MINDY4B: variants seen among roughly 807,000 people sequenced by gnomAD.
MINDY4B encodes the protein MINDY family member 4B, also known as inactive ubiquitin carboxyl-terminal hydrolase MINDY-4B.
A neutral mutation model predicts 16.7 loss-of-function variants in MINDY4B; 25 were observed. The observed-to-expected ratio is 1.49, with a 90% CI of 1.09 to 2.09. The LOEUF is 2.09. Among genes scored for constraint, MINDY4B ranks in the 30% most tolerant of loss-of-function variants. The probability of loss-of-function intolerance (pLI) is 0.00; values close to 1 mark genes in which losing one functional copy is unlikely to be tolerated. For synonymous variants in MINDY4B, 132 were observed against 61.9 expected, an observed-to-expected ratio of 2.13 and a Z score of -5.32; for missense variants, 327 against 168.4, an observed-to-expected ratio of 1.94 and a Z score of -5.21.
intron 5 of MINDY4B, among the ~76,000 whole-genome samples, chr3:150,892,285 T>C (rs1711835647): frequency 6.6e-6 from 1 of 152,212 alleles, no homozygotes; most frequent in Non-Finnish European, 1.5e-5. Flanking sequence ...CAGACTGACA[T>C]TGCTGGAAGC....
intron 7 of MINDY4B, among the ~76,000 whole-genome samples, chr3:150,889,350 C>T (rs1711707872): frequency 6.6e-6 from 1 of 152,242 alleles, no homozygotes; most frequent in African/African-American, 2.4e-5. Context: ...GAAGCGGATC[C>T]AAGCCCGCAA....
chr3:150,888,624 A>T (rs1026298421), intron 7 of MINDY4B, among the ~76,000 whole-genome samples: 1 of 152,082 alleles, frequency 6.6e-6, no homozygotes, highest in African/African-American at 2.4e-5. Flanking sequence ...CCTTGAGAGG[A>T]ATATATATAC....
chr3:150,893,674 C>T (rs1711878614), intron 4 of MINDY4B, among the ~76,000 whole-genome samples: 1 of 129,428 alleles, frequency 7.7e-6, no homozygotes, highest in African/African-American at 3.0e-5. Flanking sequence ...CACCATGTCC[C>T]TGCTTCATAG....
In MINDY4B at chr3:150,894,271, T is replaced by C. The variant is rs549021364; in HGVS notation, c.344A>G (p.His115Arg). Residue 115 changes from histidine to arginine, a missense_variant, in exon 4 of 12, where the codon CAT (histidine) becomes CGT (arginine). His to Arg is a conservative substitution (Grantham distance 29, BLOSUM62 0). Coordinates refer to ENST00000465419, the MANE Select transcript of MINDY4B (RefSeq NM_001351281.2). ...LRQILFGNTV[H>R]VFSYNWKKAY... ...CTTTTTCCAGTTATAGCTAAAGACA[T>C]GGACTGTGTTTCCAAACAGGATCTG... 50 of 700,130 alleles carry C rather than the reference T, an allele frequency of 7.1e-5. No homozygotes were observed. Among genetic ancestry groups the C allele is most frequent in the Non-Finnish European group, 1.1e-4 (43 of 384,264 alleles). The allele number at this position is 700,130 out of a possible 1,614,324, so 43.4% of individuals were successfully genotyped here.
In MINDY4B at chr3:150,894,232, A is replaced by G. The variant is rs1435380696; in HGVS notation, c.383T>C (p.Phe128Ser). The change falls in exon 4 of 12, where the codon TTC becomes TCC. Residue 128 changes from phenylalanine (F) to serine (S), a missense_variant. Physicochemically the swap from Phe to Ser is radical, Grantham distance 155. Transcript: ENST00000465419. ...SYNWKKAYFR[F>S]HDPSSELAFT... ...AGCTAGTTCAGAAGAAGGATCATGGAACCTGAAATAGGCCTTTTTCCAGTT... is the reference window on the plus strand; with the variant it reads ...AGCTAGTTCAGAAGAAGGATCATGGGACCTGAAATAGGCCTTTTTCCAGTT... 7 of 702,192 alleles carry G rather than the reference A, an allele frequency of 1.0e-5. No homozygotes were observed. Among genetic ancestry groups the G allele is most frequent in the South Asian group, 8.9e-5 (6 of 67,394 alleles). The allele number at this position is 702,192 out of a possible 1,614,324, so 43.5% of individuals were successfully genotyped here.
At chr3:150,886,020 A>T (rs973269247) in intron 7 of MINDY4B, among the ~76,000 whole-genome samples, 6 of 152,186 alleles carry the variant, frequency 3.9e-5, no homozygotes, top group Non-Finnish European at 7.3e-5. Flanking sequence ...TGGTTCTTGG[A>T]ATATGCTAGA....
At chr3:150,877,178 G>A (rs914554849) in intron 10 of MINDY4B, among the ~76,000 whole-genome samples, 3 of 152,162 alleles carry the variant, frequency 2.0e-5, no homozygotes, top group African/African-American at 7.2e-5. Context: ...CAGCATTACA[G>A]GATGGGTTTC....
intron 3 of MINDY4B, among the ~76,000 whole-genome samples, chr3:150,895,073 A>G (rs1711926138): frequency 6.6e-6 from 1 of 152,186 alleles, no homozygotes; most frequent in Non-Finnish European, 1.5e-5. Flanking sequence ...GCATTTACTG[A>G]GCATTTTCTA....
intron 6 of MINDY4B, chr3:150,890,690 T>C: frequency 7.9e-6 from 4 of 508,256 alleles, no homozygotes; most frequent in South Asian, 6.7e-5. Context: ...TATGGAAATA[T>C]CATTTATGAT....
chr3:150,893,687 G>GTT lies in MINDY4B; in HGVS notation c.430-274_430-273dup, dbSNP rs1183369246. On this transcript the variant is annotated intron_variant, in intron 4 of 11. Transcript: ENST00000465419. ...TTCACCATGTCCCTGCTTCATAGTA[G>GTT]TTTTTTTTTGGGGGGGGGGGTGGGG... is the stretch of plus-strand genomic sequence containing the variant. Among the ~76,000 whole-genome samples the GTT allele has an allele frequency of 1.2e-3, 76 of 64,524 alleles. 1 individual carries two copies. The highest frequency in any genetic ancestry group is 3.7e-3 in the African/African-American group (73 of 19,756). The allele number at this position is 64,524 out of a possible 152,430, so 42.3% of individuals were successfully genotyped here. A position where few individuals can be genotyped will look rare whatever the true frequency, so the allele number is the denominator to read the frequency against.
intron 5 of MINDY4B, 106 bp from the exon 6 acceptor site, chr3:150,891,209 C>A: frequency 1.6e-6 from 1 of 630,068 alleles, no homozygotes; most frequent in Non-Finnish European, 2.9e-6. Flanking sequence ...AGTCAGAGAG[C>A]AGCGATTTAC....
chr3:150,883,640 T>C, intron 9 of MINDY4B, 60 bp downstream of exon 9: 1 of 689,944 alleles, frequency 1.4e-6, no homozygotes. Flanking sequence ...TTTCAAACTC[T>C]GCATGTGGCA....
intron 10 of MINDY4B, among the ~76,000 whole-genome samples, chr3:150,874,748 C>G (rs1405339916): frequency 2.0e-5 from 3 of 152,158 alleles, no homozygotes; most frequent in African/African-American, 7.2e-5. Context: ...TTATCACGTG[C>G]TTTATCAACC....
intron 10 of MINDY4B, among the ~76,000 whole-genome samples, chr3:150,876,802 T>C (rs2107895899): frequency 6.6e-6 from 1 of 152,320 alleles, no homozygotes; most frequent in Admixed American, 6.5e-5. Flanking sequence ...TGGATTTTTC[T>C]TCTCAGTGGC....
intron 1 of MINDY4B, 74 bp downstream of exon 1, chr3:150,905,253 A>G: frequency 2.5e-6 from 1 of 398,322 alleles, no homozygotes. Context: ...TCATGTTGCA[A>G]GCTTATAAGT....
intron 3 of MINDY4B, among the ~76,000 whole-genome samples, chr3:150,902,325 G>T (rs1712136033): frequency 6.6e-6 from 1 of 152,204 alleles, no homozygotes; most frequent in African/African-American, 2.4e-5. Flanking sequence ...AAGGCCCTGA[G>T]TAGAGGTCCC....
chr3:150,898,577 A>C (rs933582621), intron 3 of MINDY4B, among the ~76,000 whole-genome samples: 1 of 152,190 alleles, frequency 6.6e-6, no homozygotes, highest in African/African-American at 2.4e-5. Context: ...ACATAATTAC[A>C]TGTGCTGTTG....
In MINDY4B at chr3:150,871,076, A is replaced by T; in HGVS notation, c.1352T>A (p.Ile451Asn). 1.4e-6 allele frequency: 1 copy of T among 702,866 alleles called. No homozygotes were observed. Among genetic ancestry groups the T allele is most frequent in the South Asian group, 1.5e-5 (1 of 67,590 alleles). 43.5% of individuals were successfully genotyped at this position (702,866 alleles called of 1,614,324 possible). Residue 451 changes from isoleucine to asparagine, a missense_variant, in exon 12 of 12, where the codon ATC (isoleucine) becomes AAC (asparagine). Coordinates refer to ENST00000465419, the MANE Select transcript of MINDY4B (RefSeq NM_001351281.2). ...GAAGGGAACGGTCCCATTCCAGTTG[A>T]TGGTGGCCTCGCTCCACTTGGTTCT... ...AIRTKWSEAT[I>N]NWNGTVPFF
chr3:150,880,348 C>T (rs900454212), intron 10 of MINDY4B, among the ~76,000 whole-genome samples: 1 of 145,990 alleles, frequency 6.8e-6, no homozygotes, highest in African/African-American at 2.8e-5. Context: ...TGTGGATGCG[C>T]ACACGCGCCC....
Sources: gnomAD v4.1 joint callset for allele counts (sites outside exome capture counted in the v4.1 genomes callset) on GRCh38, gnomAD v4.1.1 for gene constraint, MANE v1.5 for transcripts, NCBI Gene and HGNC (gene_info 2026-07-23, HGNC 2026-07-21) for gene names.